Variants in NKTR observed in about 807,000 individuals in gnomAD.
NKTR encodes the protein NK-tumor recognition protein.
In NKTR, 67 loss-of-function variants were observed where a neutral mutation model predicts 156.3. The observed-to-expected ratio is 0.43, with a 90% CI of 0.35 to 0.53. The LOEUF (loss-of-function observed/expected upper bound fraction) is 0.53. Ranked by LOEUF, NKTR falls within the 20% of genes least tolerant of loss-of-function variation. The probability of loss-of-function intolerance (pLI) is 0.01; values close to 1 mark genes in which losing one functional copy is unlikely to be tolerated. For missense variants in NKTR, 1,604 were observed against 1,730.9 expected, an observed-to-expected ratio of 0.93 and a Z score of 1.30; for synonymous variants, 640 against 596.6, an observed-to-expected ratio of 1.07 and a Z score of -1.06.
chr3:42,621,204 G>A (rs906959907), intron 5 of NKTR: 2 of 1,156,786 alleles, frequency 1.7e-6, no homozygotes, highest in African/African-American at 3.3e-5. Context: ...TTTGTGTGAA[G>A]TATTAAATAT....
At position 42,604,659 on chromosome 3, in the gene NKTR, C is replaced by CTTTTTTTTTTTT. The variant is rs71072726; in HGVS notation, c.58+3623_58+3634dup. ...AATTGTGGATTTATCTATTTCTCTCCTTTTTTTTTTTTTTTTTTTTTTTTT... is the reference window on the plus strand; with the variant it reads ...AATTGTGGATTTATCTATTTCTCTCCTTTTTTTTTTTTTTTTTTTTTTTTTTTTTTTTTTTTT... On this transcript the variant is annotated intron_variant, in intron 2 of 16. Transcript: ENST00000232978. Among the ~76,000 whole-genome samples, 35 of 45,294 alleles carry CTTTTTTTTTTTT rather than the reference C, an allele frequency of 7.7e-4. 8 individuals carry two copies. Among genetic ancestry groups the CTTTTTTTTTTTT allele is most frequent in the Non-Finnish European group, 9.9e-4 (25 of 25,130 alleles). The allele number at this position is 45,294 out of a possible 152,430, so 29.7% of individuals were successfully genotyped here. A position where few individuals can be genotyped will look rare whatever the true frequency, so the allele number is the denominator to read the frequency against.
At chr3:42,622,249 A>G (rs1707984758) in intron 6 of NKTR, among the ~76,000 whole-genome samples, 1 of 152,040 alleles carries the variant, frequency 6.6e-6, no homozygotes, top group South Asian at 2.1e-4. Flanking sequence ...CCTTTGGCAT[A>G]CTTTTAGTTA....
chr3:42,623,321 T>C (rs1426956826), intron 6 of NKTR, among the ~76,000 whole-genome samples: 5 of 152,166 alleles, frequency 3.3e-5, no homozygotes. Flanking sequence ...GAACTTCTGA[T>C]TGAAAGAAAA....
chr3:42,635,764 G>A (rs1187183479), intron 12 of NKTR, among the ~76,000 whole-genome samples: 4 of 152,198 alleles, frequency 2.6e-5, no homozygotes, highest in Admixed American at 6.5e-5. Context: ...AAAATTAGCC[G>A]GGCGTGGTGG....
In NKTR at chr3:42,636,897, A is replaced by C; in HGVS notation, c.1193A>C (p.Asp398Ala). ...AGTGACCCCTGTTCAAGCCGATGGG[A>C]TGAAAGAAGCTTGTCTCAGAGATCC... Reference protein sequence around the residue: ...KLSDPCSSRWDERSLSQRSRS... With the variant: ...KLSDPCSSRWAERSLSQRSRS... The change falls in exon 13 of 17, where the codon GAT becomes GCT. Residue 398 changes from aspartate to alanine, a missense_variant. Around this residue, in one of 6 missense-constraint regions of NKTR, gnomAD observed 1,255 missense variants for 1,243.7 expected, o/e 1.01. Coordinates refer to ENST00000232978, the MANE Select transcript of NKTR (RefSeq NM_005385.4). The C allele has an allele frequency of 6.3e-7, 1 of 1,577,032 alleles. No individual in the cohort carries two copies. The highest frequency in any genetic ancestry group is 8.6e-7 in the Non-Finnish European group (1 of 1,169,114).
At chr3:42,620,707 A>AT (rs1288284993) in intron 5 of NKTR, 116 of 978,526 alleles carry the variant, frequency 1.2e-4, no homozygotes, top group Non-Finnish European at 1.3e-4. Context: ...TTTATCACAG[A>AT]TTTTTTTTTC....
rs1170989457 is a variant in NKTR at position 42,638,731 on chromosome 3, A to G, written c.3027A>G (p.Lys1009=). 4.3e-6 allele frequency: 7 copies of G among 1,614,090 alleles called. No homozygotes were observed. The highest frequency in any genetic ancestry group is 5.9e-6 in the Non-Finnish European group (7 of 1,180,040). ...AAGACAAAAAGCATAAGGCTCCAAA[A>G]CGAAAGCAAGCATTTCACTGGCAGC... is the stretch of plus-strand genomic sequence containing the variant. The part of the protein sequence containing the change: ...GKKDKKHKAP[K]RKQAFHWQPP... The change falls in exon 13 of 17, where the codon AAA becomes AAG. Residue 1009 remains lysine, a synonymous_variant. Coordinates refer to ENST00000232978, the MANE Select transcript of NKTR (RefSeq NM_005385.4).
intron 2 of NKTR, among the ~76,000 whole-genome samples, chr3:42,608,531 G>C (rs534847041): frequency 6.6e-6 from 1 of 152,098 alleles, no homozygotes; most frequent in African/African-American, 2.4e-5. Context: ...TCACCAGTCT[G>C]GAAGCTCTCT....
rs1707694830 is a variant in NKTR at position 42,619,313 on chromosome 3, T to C, written c.241+186T>C. ...AAAAAGCAAAGTACCACGTAAGACATTTTATTTTGTTTTTATGCAGTTTAT... is the reference window on the plus strand; with the variant it reads ...AAAAAGCAAAGTACCACGTAAGACACTTTATTTTGTTTTTATGCAGTTTAT... On this transcript the variant is annotated intron_variant, in intron 4 of 16. Transcript: ENST00000232978. The C allele has an allele frequency of 2.9e-6, 4 of 1,361,528 alleles. No individual in the cohort carries two copies. In the South Asian group the frequency reaches 5.4e-5, roughly 18 times the overall value. 84.3% of individuals were successfully genotyped at this position (1,361,528 alleles called of 1,614,324 possible). A position where few individuals can be genotyped will look rare whatever the true frequency, so the allele number is the denominator to read the frequency against.
chr3:42,614,432 C>CT (rs796700799), intron 2 of NKTR, among the ~76,000 whole-genome samples: 1,711 of 140,526 alleles, frequency 0.012, 25 homozygotes, highest in African/African-American at 0.04. Context: ...ACCACATTGA[C>CT]TTTTTTTTTT....
At chr3:42,611,234 T>A (rs1706771257) in intron 2 of NKTR, 1 of 152,164 alleles carries the variant, frequency 6.6e-6, no homozygotes. Flanking sequence ...GCTTGTACTA[T>A]CTGCAGGAAA....
rs143844264 is a variant in NKTR, at chr3:42,633,788, G to A, written c.929+53G>A. ...TTTATTTCTCCGATAACACTGTTCC[G>A]TCAGCTCATTGCATTCCACACTCAT... On this transcript the variant is annotated intron_variant, in intron 10 of 16. Transcript: ENST00000232978. 991 of 1,601,236 alleles carry A rather than the reference G, an allele frequency of 6.2e-4. 1 individual carries two copies. The highest frequency in any genetic ancestry group is 4.0e-3 in the East Asian group (177 of 44,776).
rs1710449344 is a variant in NKTR at position 42,647,779 on chromosome 3, A to G, written c.*1804A>G. The G allele has an allele frequency of 6.6e-6, 1 of 152,216 alleles. No individual in the cohort carries two copies. The highest frequency in any genetic ancestry group is 2.4e-5 in the African/African-American group (1 of 41,452). The allele number at this position is 152,216 out of a possible 1,614,324, so 9.4% of individuals were successfully genotyped here. The stretch of plus-strand genomic sequence containing the variant: ...AACTGCCAAATGTAATTAGGTTAAG[A>G]AAAGTTACCCTTGGGCAGTGTATTA... On this transcript the variant is annotated 3_prime_UTR_variant, in exon 17 of 17. Coordinates refer to ENST00000232978, the MANE Select transcript of NKTR (RefSeq NM_005385.4).
intron 2 of NKTR, chr3:42,611,125 C>T (rs1211939305): frequency 6.6e-6 from 1 of 152,064 alleles, no homozygotes; most frequent in Non-Finnish European, 1.5e-5. Context: ...TAACATCTGA[C>T]CTCATTTCCT....
In NKTR at chr3:42,637,663, A is replaced by C. The variant is rs752818710; in HGVS notation, c.1959A>C (p.Ala653=). The C allele has an allele frequency of 2.5e-6, 4 of 1,613,188 alleles. No individual in the cohort carries two copies. The South Asian group carries it at 4.4e-5, about 18-fold the overall frequency. The change falls in exon 13 of 17, where the codon GCA becomes GCC. Residue 653 remains alanine (A), a synonymous_variant. Transcript: ENST00000232978. The stretch of plus-strand genomic sequence containing the variant: ...CCATCCAAAGCACTTACAGTTTAGC[A>C]AATATTAAAGAGACTGGTAGCTCAT... The part of the protein sequence containing the change: ...LLPIQSTYSL[A]NIKETGSSSS...
chr3:42,603,315 G>GCAC (rs1281543451), intron 2 of NKTR, among the ~76,000 whole-genome samples: 1 of 143,300 alleles, frequency 7.0e-6, no homozygotes, highest in Non-Finnish European at 1.5e-5. Context: ...AGCTATGATT[G>GCAC]CACCACTGCA....
chr3:42,611,732 C>CAA (rs67202574), intron 2 of NKTR, among the ~76,000 whole-genome samples: 1,300 of 108,566 alleles, frequency 0.012, 13 homozygotes, highest in Non-Finnish European at 0.017. Flanking sequence ...GACTCTGTCT[C>CAA]AAAAAAAAAA....
chr3:42,638,008 T>G lies in NKTR; in HGVS notation c.2304T>G (p.Val768=). The part of the protein sequence containing the change: ...RLRSSGKKNS[V]SHKKHSSSSE... ...GATCCAGTGGGAAAAAAAATAGCGTTTCACATAAAAAGCATAGCAGCAGCT... is the reference window on the plus strand; with the variant it reads ...GATCCAGTGGGAAAAAAAATAGCGTGTCACATAAAAAGCATAGCAGCAGCT... The change falls in exon 13 of 17, where the codon GTT becomes GTG. Residue 768 remains valine (V), a synonymous_variant. Coordinates refer to ENST00000232978, the MANE Select transcript of NKTR (RefSeq NM_005385.4). 6.2e-7 allele frequency: 1 copy of G among 1,614,158 alleles called. No individual in the cohort carries two copies. Among genetic ancestry groups the G allele is most frequent in the Non-Finnish European group, 8.5e-7 (1 of 1,180,020 alleles).
intron 13 of NKTR, among the ~76,000 whole-genome samples, chr3:42,640,022 T>C (rs1238831647): frequency 3.3e-5 from 5 of 152,166 alleles, no homozygotes; most frequent in Non-Finnish European, 7.3e-5. Flanking sequence ...AAATTCTCCA[T>C]CTTTAAAGGT....
Sources: allele counts gnomAD v4.1 joint callset (sites outside exome capture counted in the v4.1 genomes callset), GRCh38; gene constraint gnomAD v4.1.1; regional missense constraint gnomAD v4.1.1; transcripts MANE v1.5; gene names NCBI Gene and HGNC (gene_info 2026-07-23, HGNC 2026-07-21).